The following PHYHIPL variants were observed in gnomAD, a reference collection of about 807,000 sequenced individuals.
The protein encoded by PHYHIPL is phytanoyl-CoA hydroxylase-interacting protein-like.
A neutral mutation model predicts 33.4 loss-of-function variants in PHYHIPL; 9 were observed. The ratio of observed to expected loss-of-function variants is 0.27; its 90% CI spans 0.16 to 0.47. The LOEUF is 0.47. Ranked by LOEUF, PHYHIPL falls within the 20% of genes least tolerant of loss-of-function variation. PHYHIPL has a pLI of 0.99. For synonymous variants in PHYHIPL, 153 were observed against 154.1 expected, an observed-to-expected ratio of 0.99 and a Z score of 0.05; for missense variants, 365 against 460.7, an observed-to-expected ratio of 0.79 and a Z score of 1.90.
At chr10:59,213,630 C>G (rs1839528402) in intron 1 of PHYHIPL, among the ~76,000 whole-genome samples, 1 of 152,080 alleles carries the variant, frequency 6.6e-6, no homozygotes, top group Non-Finnish European at 1.5e-5. Flanking sequence ...TGAGCTCCAG[C>G]CACAGAATGT....
chr10:59,217,826 T>C (rs1404752410), intron 1 of PHYHIPL, among the ~76,000 whole-genome samples: 1 of 152,042 alleles, frequency 6.6e-6, no homozygotes, highest in Non-Finnish European at 1.5e-5. Context: ...AATCTTACCT[T>C]CTTTTTTGAG....
In PHYHIPL at chr10:59,216,582, T is replaced by G. The variant is rs536350830; in HGVS notation, c.107-17722T>G. ...CTTCCAGTGTCAAGGTGCCATACTTTAGGTAGCATGTTCTAAACCTCATCG... is the reference window on the plus strand; with the variant it reads ...CTTCCAGTGTCAAGGTGCCATACTTGAGGTAGCATGTTCTAAACCTCATCG... On this transcript the variant is annotated intron_variant, in intron 1 of 4. Coordinates refer to ENST00000373880, the MANE Select transcript of PHYHIPL (RefSeq NM_032439.4). 3.3e-5 allele frequency among the ~76,000 whole-genome samples: 5 copies of G among 152,210 alleles called. No homozygotes were observed. The East Asian group carries it at 9.7e-4, about 29-fold the overall frequency.
intron 1 of PHYHIPL, among the ~76,000 whole-genome samples, chr10:59,189,118 C>A (rs1309773239): frequency 6.6e-6 from 1 of 151,980 alleles, no homozygotes; most frequent in African/African-American, 2.4e-5. Flanking sequence ...TGAAACCAAA[C>A]TCTCCTTAAA....
At chr10:59,226,857 G>A (rs975446366) in intron 1 of PHYHIPL, among the ~76,000 whole-genome samples, 2 of 151,824 alleles carry the variant, frequency 1.3e-5, no homozygotes, top group East Asian at 3.9e-4. Context: ...AGAAAATACC[G>A]TCCATATAGT....
chr10:59,175,159 G>T (rs1008888438), upstream of PHYHIPL, among the ~76,000 whole-genome samples: 2 of 152,168 alleles, frequency 1.3e-5, no homozygotes, highest in Non-Finnish European at 2.9e-5. Context: ...TCCTTTGACA[G>T]GTAATAATTT....
intron 1 of PHYHIPL, among the ~76,000 whole-genome samples, chr10:59,201,444 A>C (rs1236145452): frequency 3.3e-5 from 5 of 152,024 alleles, no homozygotes; most frequent in African/African-American, 1.2e-4. Context: ...AATTTCTGTT[A>C]TTTTACATTT....
chr10:59,205,823 G>T (rs1399582375), intron 1 of PHYHIPL, among the ~76,000 whole-genome samples: 1 of 152,162 alleles, frequency 6.6e-6, no homozygotes, highest in Non-Finnish European at 1.5e-5. Context: ...GTTTGAATTA[G>T]TATTAAGCCA....
chr10:59,186,757 C>A (rs1838617993), intron 1 of PHYHIPL, among the ~76,000 whole-genome samples: 2 of 152,124 alleles, frequency 1.3e-5, no homozygotes, highest in Admixed American at 1.3e-4. Flanking sequence ...TGATTTGGCT[C>A]TCTGTTTGTC....
At chr10:59,182,812 T>C (rs768313156) in intron 1 of PHYHIPL, among the ~76,000 whole-genome samples, 1 of 152,002 alleles carries the variant, frequency 6.6e-6, no homozygotes, top group Non-Finnish European at 1.5e-5. Context: ...AAAAGAATCA[T>C]GAGGAATTCA....
At chr10:59,190,098 T>A (rs980191377) in intron 1 of PHYHIPL, among the ~76,000 whole-genome samples, 2 of 152,052 alleles carry the variant, frequency 1.3e-5, no homozygotes, top group African/African-American at 4.8e-5. Flanking sequence ...AATTGTACTA[T>A]AATTTTATAC....
chr10:59,180,359 T>TATATATAC (rs1564698961), intron 1 of PHYHIPL, among the ~76,000 whole-genome samples: 38 of 112,546 alleles, frequency 3.4e-4, no homozygotes, highest in African/African-American at 1.2e-3. Flanking sequence ...TATATATATA[T>TATATATAC]ATACTTTTTC....
intron 1 of PHYHIPL, among the ~76,000 whole-genome samples, chr10:59,210,171 C>T (rs1839403487): frequency 6.6e-6 from 1 of 151,950 alleles, no homozygotes; most frequent in South Asian, 2.1e-4. Context: ...AAATTTTGCG[C>T]TCTATCCATC....
At chr10:59,184,692 C>T (rs905421782) in intron 1 of PHYHIPL, among the ~76,000 whole-genome samples, 4 of 151,466 alleles carry the variant, frequency 2.6e-5, no homozygotes, top group African/African-American at 9.7e-5. Flanking sequence ...TACATGTGCA[C>T]AACGTGCAGG....
chr10:59,199,705 G>A (rs1288323894), intron 1 of PHYHIPL, among the ~76,000 whole-genome samples: 10 of 152,008 alleles, frequency 6.6e-5, no homozygotes, highest in East Asian at 1.9e-4. Context: ...ATGTTCTTCC[G>A]TTTGTTTGTA....
intron 1 of PHYHIPL, chr10:59,183,702 G>A: frequency 1.0e-6 from 1 of 983,442 alleles, no homozygotes; most frequent in Non-Finnish European, 1.2e-6. Flanking sequence ...CGTCATACTT[G>A]GAATTGTCGT....
At chr10:59,235,433 T>G (rs1249224281) in intron 2 of PHYHIPL, among the ~76,000 whole-genome samples, 1 of 151,876 alleles carries the variant, frequency 6.6e-6, no homozygotes, top group Non-Finnish European at 1.5e-5. Context: ...TTTTTTAATA[T>G]TGATATTAAG....
At chr10:59,194,035 T>A (rs1838845291) in intron 1 of PHYHIPL, among the ~76,000 whole-genome samples, 1 of 151,852 alleles carries the variant, frequency 6.6e-6, no homozygotes, top group Admixed American at 6.6e-5. Flanking sequence ...CTTCTAGAAC[T>A]TTTGTTTTGC....
intron 1 of PHYHIPL, among the ~76,000 whole-genome samples, chr10:59,232,090 T>C (rs1840097916): frequency 6.6e-6 from 1 of 152,006 alleles, no homozygotes; most frequent in Non-Finnish European, 1.5e-5. Flanking sequence ...GGTTGAAACA[T>C]TTATTACCAA....
intron 4 of PHYHIPL, among the ~76,000 whole-genome samples, chr10:59,242,974 G>T (rs1840459194): frequency 6.6e-6 from 1 of 152,070 alleles, no homozygotes; most frequent in Admixed American, 6.6e-5. Context: ...AGAGGGTGGG[G>T]CTGAAAAAGT....
Sources: allele counts gnomAD v4.1 joint callset (sites outside exome capture counted in the v4.1 genomes callset), GRCh38; gene constraint gnomAD v4.1.1; transcripts MANE v1.5; gene names NCBI Gene and HGNC (gene_info 2026-07-23, HGNC 2026-07-21).